The following TIMP3 variants were observed in gnomAD, a reference collection of about 807,000 sequenced individuals.
The protein encoded by TIMP3 is TIMP metallopeptidase inhibitor 3, also known as metalloproteinase inhibitor 3.
In TIMP3, 11 loss-of-function variants were observed where a neutral mutation model predicts 30.0. The observed-to-expected ratio is 0.37, with a 90% CI of 0.23 to 0.61. The LOEUF (loss-of-function observed/expected upper bound fraction) is 0.61, where lower values mean the gene tolerates loss of function less well. Among genes scored for constraint, TIMP3 ranks in the 20% least tolerant of loss-of-function variants. The probability of loss-of-function intolerance (pLI) is 0.70; values close to 1 mark genes in which losing one functional copy is unlikely to be tolerated. For missense variants in TIMP3, 181 were observed against 276.8 expected, an observed-to-expected ratio of 0.65 and a Z score of 2.45; for synonymous variants, 112 against 111.3, an observed-to-expected ratio of 1.01 and a Z score of -0.04.
chr22:32,840,465 A>ATTT (rs1181736803), intron 1 of TIMP3, among the ~76,000 whole-genome samples: 6 of 151,984 alleles, frequency 3.9e-5, no homozygotes, highest in African/African-American at 1.4e-4. Context: ...CTGAAGAGAG[A>ATTT]GAGTTCCTCT....
At chr22:32,832,058 C>G (rs1395443483) in intron 1 of TIMP3, among the ~76,000 whole-genome samples, 1 of 152,136 alleles carries the variant, frequency 6.6e-6, no homozygotes, top group African/African-American at 2.4e-5. Flanking sequence ...GCTGATGGAC[C>G]AGGTGGGGTG....
At chr22:32,816,083 C>T (rs1343203452) in intron 1 of TIMP3, among the ~76,000 whole-genome samples, 1 of 152,166 alleles carries the variant, frequency 6.6e-6, no homozygotes, top group Non-Finnish European at 1.5e-5. Context: ...CCAGGCTGCC[C>T]TAACCCATGA....
intron 1 of TIMP3, among the ~76,000 whole-genome samples, chr22:32,819,220 C>G (rs1369647809): frequency 6.6e-6 from 1 of 152,242 alleles, no homozygotes; most frequent in East Asian, 1.9e-4. Flanking sequence ...CAGGCCGGTG[C>G]TGGGTTTCAC....
intron 4 of TIMP3, 118 bp downstream of exon 4, chr22:32,858,256 G>C (rs898718878): frequency 6.9e-7 from 1 of 1,458,080 alleles, no homozygotes. Context: ...CATGTGTTAG[G>C]CCAGGGCAGA....
At chr22:32,849,395 G>A in intron 1 of TIMP3, 57 bp from the exon 2 acceptor site, 2 of 1,523,848 alleles carry the variant, frequency 1.3e-6, no homozygotes, top group South Asian at 1.2e-5. Context: ...CTGAGATGCT[G>A]TTCCTGATGT....
Position 32,801,903 on chromosome 22 carries a change from G to C in TIMP3, c.-99G>C. On this transcript the variant is annotated 5_prime_UTR_variant, in exon 1 of 5. Coordinates refer to ENST00000266085, the MANE Select transcript of TIMP3 (RefSeq NM_000362.5). The surrounding 1 kb of genome is among the most constrained non-coding windows in gnomAD (Gnocchi z 4.7). ...GGCCAAGGTTGCCCCGCACGGCCCG[G>C]CGGGCGAGCGAGCTCGGGCTGCAGC... 1 of 1,391,676 alleles carries C rather than the reference G, an allele frequency of 7.2e-7. No individual in the cohort carries two copies. The highest frequency in any genetic ancestry group is 9.3e-7 in the Non-Finnish European group (1 of 1,079,458). 86.2% of individuals were successfully genotyped at this position (1,391,676 alleles called of 1,614,324 possible).
chr22:32,851,191 AG>A (rs933707309), intron 2 of TIMP3, among the ~76,000 whole-genome samples: 1 of 152,202 alleles, frequency 6.6e-6, no homozygotes, highest in African/African-American at 2.4e-5. Flanking sequence ...GGAATGCCAA[AG>A]CATATTAGAC....
chr22:32,855,984 C>A (rs1272757162), intron 2 of TIMP3, among the ~76,000 whole-genome samples: 1 of 152,186 alleles, frequency 6.6e-6, no homozygotes, highest in Non-Finnish European at 1.5e-5. Flanking sequence ...AATGCTTTCA[C>A]CAGACGCTCA....
At chr22:32,829,187 T>C (rs1429846858) in intron 1 of TIMP3, among the ~76,000 whole-genome samples, 3 of 152,198 alleles carry the variant, frequency 2.0e-5, no homozygotes, top group Non-Finnish European at 2.9e-5. Flanking sequence ...TTGCCGGCTT[T>C]AGTCCCAGGC....
chr22:32,846,505 G>A (rs2048066691), intron 1 of TIMP3, among the ~76,000 whole-genome samples: 1 of 152,194 alleles, frequency 6.6e-6, no homozygotes, highest in African/African-American at 2.4e-5. Flanking sequence ...GTTTGGGATG[G>A]ACTACATACT....
rs528213549 is a variant in TIMP3, at chr22:32,832,520, C to G, written c.122-16932C>G. Among the ~76,000 whole-genome samples, 3 of 149,848 alleles carry G rather than the reference C, an allele frequency of 2.0e-5. No homozygotes were observed. The East Asian group carries it at 5.8e-4, about 29-fold the overall frequency. ...CCAGGGCTCTTCTTGCTATTCAATA[C>G]TTTCTACGTAATAAGCCTGGGTTTT... On this transcript the variant is annotated intron_variant, in intron 1 of 4. Transcript: ENST00000266085.
At chr22:32,834,410 G>T (rs776722064) in intron 1 of TIMP3, among the ~76,000 whole-genome samples, 2 of 152,032 alleles carry the variant, frequency 1.3e-5, no homozygotes, top group Non-Finnish European at 2.9e-5. Flanking sequence ...TGATCAGCCT[G>T]CCTTGGCCTC....
chr22:32,841,227 G>T (rs575265814), intron 1 of TIMP3, among the ~76,000 whole-genome samples: 1 of 152,344 alleles, frequency 6.6e-6, no homozygotes, highest in East Asian at 1.9e-4. Flanking sequence ...AGAACCTGCT[G>T]CCCGGGGAGG....
At chr22:32,811,771 T>C (rs1049094137) in intron 1 of TIMP3, among the ~76,000 whole-genome samples, 1 of 152,152 alleles carries the variant, frequency 6.6e-6, no homozygotes, top group African/African-American at 2.4e-5. Flanking sequence ...ATATAGCCAA[T>C]ACATGGAATG....
At chr22:32,814,333 A>AAGAC in intron 1 of TIMP3, among the ~76,000 whole-genome samples, 2 of 148,168 alleles carry the variant, frequency 1.3e-5, no homozygotes, top group Admixed American at 6.7e-5. Context: ...GAAAGAAAGA[A>AAGAC]AGAAAGAGAA....
chr22:32,816,984 G>A (rs1240268123), intron 1 of TIMP3, among the ~76,000 whole-genome samples: 1 of 151,932 alleles, frequency 6.6e-6, no homozygotes, highest in African/African-American at 2.4e-5. Context: ...TTGGGAGGCT[G>A]AGGCGAGAGG....
chr22:32,854,594 C>T (rs1205390056), intron 2 of TIMP3, among the ~76,000 whole-genome samples: 3 of 152,110 alleles, frequency 2.0e-5, no homozygotes, highest in Non-Finnish European at 4.4e-5. Flanking sequence ...GGATGTTCTT[C>T]GAAGGCCACA....
At chr22:32,836,573 A>T (rs999285435) in intron 1 of TIMP3, among the ~76,000 whole-genome samples, 1 of 152,180 alleles carries the variant, frequency 6.6e-6, no homozygotes, top group African/African-American at 2.4e-5. Context: ...AGTGCTATTG[A>T]TTCCTGATAA....
intron 1 of TIMP3, among the ~76,000 whole-genome samples, chr22:32,814,909 A>G (rs1244722900): frequency 6.6e-6 from 1 of 152,224 alleles, no homozygotes; most frequent in Non-Finnish European, 1.5e-5. Flanking sequence ...GAAAAAGTGA[A>G]ATTAATTTTA....
Sources: allele counts gnomAD v4.1 joint callset (sites outside exome capture counted in the v4.1 genomes callset), GRCh38; gene constraint gnomAD v4.1.1; non-coding constraint Gnocchi (gnomAD v3.1); transcripts MANE v1.5; gene names NCBI Gene and HGNC (gene_info 2026-07-23, HGNC 2026-07-21).